Variants in NIPSNAP3B observed in about 807,000 individuals in gnomAD.
NIPSNAP3B encodes nipsnap homolog 3B.
Under a neutral mutation model 31.5 loss-of-function variants are expected in NIPSNAP3B, and 30 were observed. That is an observed-to-expected ratio of 0.95 (90% confidence interval 0.71 to 1.29). The LOEUF (loss-of-function observed/expected upper bound fraction) is 1.29. Ranked by LOEUF, NIPSNAP3B falls within the 50% of genes most tolerant of loss-of-function variation. The pLI, the probability that NIPSNAP3B is intolerant of heterozygous loss-of-function variation, is 0.00. For synonymous variants in NIPSNAP3B, 106 were observed against 107.9 expected, an observed-to-expected ratio of 0.98 and a Z score of 0.11; for missense variants, 269 against 300.7, an observed-to-expected ratio of 0.89 and a Z score of 0.78.
chr9:104,781,968 C>T (rs1028745645), downstream of NIPSNAP3B: 1 of 152,130 alleles, frequency 6.6e-6, no homozygotes, highest in Non-Finnish European at 1.5e-5. Context: ...TTGTTTCTAG[C>T]TTCAGAAGAG....
At chr9:104,780,416 C>A (rs1828451158), downstream of NIPSNAP3B, among the ~76,000 whole-genome samples, 1 of 152,202 alleles carries the variant, frequency 6.6e-6, no homozygotes, top group African/African-American at 2.4e-5. Flanking sequence ...GCAGACATCT[C>A]TTTCTGAAAC....
rs1224969068 is a variant in NIPSNAP3B, at chr9:104,776,383, CTGAA to C, written c.*3313_*3316del. Among the ~76,000 whole-genome samples the C allele has an allele frequency of 1.2e-5, 1 of 81,712 alleles. No homozygotes were observed. Among genetic ancestry groups the C allele is most frequent in the Non-Finnish European group, 2.6e-5 (1 of 38,624 alleles). 53.6% of individuals were successfully genotyped at this position (81,712 alleles called of 152,430 possible). ...CACAGTGGCCCCTATCTGCTAGAGA[CTGAA>C]TGTTTTTGTCCCCCCAAAATTCCTA... On this transcript the variant is annotated 3_prime_UTR_variant, in exon 6 of 6. Transcript: ENST00000374762.
In NIPSNAP3B at chr9:104,777,623, G is replaced by C. The variant is rs1460279761; in HGVS notation, c.*4550G>C. Among the ~76,000 whole-genome samples the C allele has an allele frequency of 6.6e-6, 1 of 152,216 alleles. No homozygotes were observed. Among genetic ancestry groups the C allele is most frequent in the Non-Finnish European group, 1.5e-5 (1 of 68,034 alleles). ...GGTGGTCATGAACCACCCAGAGTGTGTACAAGGCTCCTGCCAGAAGAAATG... is the reference window on the plus strand; with the variant it reads ...GGTGGTCATGAACCACCCAGAGTGTCTACAAGGCTCCTGCCAGAAGAAATG... On this transcript the variant is annotated 3_prime_UTR_variant, in exon 6 of 6. Coordinates refer to ENST00000374762, the MANE Select transcript of NIPSNAP3B (RefSeq NM_018376.4).
chr9:104,771,824 A>G (rs1256185832), intron 4 of NIPSNAP3B, among the ~76,000 whole-genome samples: 1 of 152,078 alleles, frequency 6.6e-6, no homozygotes, highest in Admixed American at 6.6e-5. Flanking sequence ...ATAATGGTTG[A>G]ACTAATTTAC....
downstream of NIPSNAP3B, among the ~76,000 whole-genome samples, chr9:104,779,987 G>A (rs781295657): frequency 6.6e-6 from 1 of 152,126 alleles, no homozygotes; most frequent in South Asian, 2.1e-4. Flanking sequence ...AGATCATGCC[G>A]CTGCACTCCA....
chr9:104,769,519 T>G (rs1196443550), intron 3 of NIPSNAP3B, among the ~76,000 whole-genome samples: 1 of 151,552 alleles, frequency 6.6e-6, no homozygotes, highest in Admixed American at 6.6e-5. Flanking sequence ...AACATTGAGC[T>G]TATCCTTAAA....
chr9:104,785,656 A>T, the NIPSNAP3B span: 1 of 1,613,752 alleles, frequency 6.2e-7, no homozygotes. Flanking sequence ...GCAGGAAAAA[A>T]TACCCAAATG....
intron 1 of NIPSNAP3B, 58 bp downstream of exon 1, chr9:104,764,358 G>C (rs1361784169): frequency 7.0e-7 from 1 of 1,433,590 alleles, no homozygotes; most frequent in Non-Finnish European, 9.4e-7. Flanking sequence ...GGGGCGGGGG[G>C]TATTTCTGAA....
chr9:104,768,752 A>C, intron 2 of NIPSNAP3B, 111 bp from the exon 3 acceptor site: 1 of 826,276 alleles, frequency 1.2e-6, no homozygotes, highest in African/African-American at 1.7e-5. Context: ...CGACATAATA[A>C]CATGGGGTTC....
chr9:104,788,079 C>T, the NIPSNAP3B span: 12 of 1,613,164 alleles, frequency 7.4e-6, no homozygotes, highest in Middle Eastern at 1.6e-4. Context: ...AGCACCTTGA[C>T]TTTGGTCTGG....
intron 2 of NIPSNAP3B, 50 bp from the exon 3 acceptor site, chr9:104,768,813 T>C (rs999141561): frequency 3.9e-6 from 6 of 1,525,038 alleles, no homozygotes; most frequent in South Asian, 1.2e-5. Context: ...AGTAAAAATA[T>C]GGGCGATTTT....
the NIPSNAP3B span, chr9:104,786,398 A>T: frequency 6.2e-7 from 1 of 1,613,228 alleles, no homozygotes; most frequent in South Asian, 1.1e-5. Flanking sequence ...ATACTGCGGT[A>T]AAACAGAAAG....
At chr9:104,788,146 G>T in the NIPSNAP3B span, 3 of 1,375,806 alleles carry the variant, frequency 2.2e-6, no homozygotes, top group Non-Finnish European at 3.1e-6. Flanking sequence ...CTTTCACTGA[G>T]TAGGACTAGA....
chr9:104,765,105 G>A (rs1376246362), intron 1 of NIPSNAP3B, among the ~76,000 whole-genome samples: 1 of 152,148 alleles, frequency 6.6e-6, no homozygotes, highest in Non-Finnish European at 1.5e-5. Flanking sequence ...GATAGTTGCA[G>A]GTATTTTTTG....
chr9:104,779,177 C>T (rs769069236), downstream of NIPSNAP3B, among the ~76,000 whole-genome samples: 1 of 152,190 alleles, frequency 6.6e-6, no homozygotes, highest in Non-Finnish European at 1.5e-5. Flanking sequence ...TCTCTGACTT[C>T]TCTCCATTGT....
chr9:104,764,261 C>G lies in NIPSNAP3B; in HGVS notation c.21C>G (p.Gly7=), dbSNP rs1317957381. 1.2e-6 allele frequency: 2 copies of G among 1,600,478 alleles called. No homozygotes were observed. Among genetic ancestry groups the G allele is most frequent in the South Asian group, 2.3e-5 (2 of 88,608 alleles). Residue 7 remains glycine, a synonymous_variant, in exon 1 of 6, where the codon GGC becomes GGG. Coordinates refer to ENST00000374762, the MANE Select transcript of NIPSNAP3B (RefSeq NM_018376.4). MLVLRS[G]LTKALASRTL... ...GCGCCATGCTCGTTCTCAGAAGCGGCCTGACCAAGGCGCTTGCCTCACGGA... is the reference window on the plus strand; with the variant it reads ...GCGCCATGCTCGTTCTCAGAAGCGGGCTGACCAAGGCGCTTGCCTCACGGA...
chr9:104,772,930 G>A (rs543735266), intron 5 of NIPSNAP3B, 22 bp downstream of exon 5: 40 of 1,613,704 alleles, frequency 2.5e-5, no homozygotes, highest in Admixed American at 1.3e-4. Context: ...CACTAAGCAC[G>A]AATTATTTTT....
At chr9:104,771,752 G>T (rs946810597) in intron 4 of NIPSNAP3B, among the ~76,000 whole-genome samples, 2 of 152,180 alleles carry the variant, frequency 1.3e-5, no homozygotes, top group African/African-American at 4.8e-5. Context: ...CCAGTAATGG[G>T]ATTGTTGGGT....
At chr9:104,781,410 GATA>G (rs199849057), downstream of NIPSNAP3B, 169 of 149,660 alleles carry the variant, frequency 1.1e-3, 1 homozygote, top group African/African-American at 4.0e-3. Context: ...ATTACTAGTA[GATA>G]ATAACAAGGG....
Sources: allele counts gnomAD v4.1 joint callset (sites outside exome capture counted in the v4.1 genomes callset), GRCh38; gene constraint gnomAD v4.1.1; transcripts MANE v1.5; gene names NCBI Gene and HGNC (gene_info 2026-07-23, HGNC 2026-07-21).